GRID1: variants seen among roughly 807,000 people sequenced by gnomAD.
GRID1 encodes glutamate ionotropic receptor delta type subunit 1.
In GRID1, 28 loss-of-function variants were observed where a neutral mutation model predicts 98.0. The ratio of observed to expected loss-of-function variants is 0.29; its 90% CI spans 0.21 to 0.39. The LOEUF (loss-of-function observed/expected upper bound fraction) is 0.39, where lower values mean the gene tolerates loss of function less well. Ranked by LOEUF, GRID1 falls within the 10% of genes least tolerant of loss-of-function variation. The pLI is 1.00. For missense variants in GRID1, 1,111 were observed against 1,340.5 expected (o/e 0.83, Z 2.67); for synonymous variants, 553 against 538.5 (o/e 1.03, Z -0.37).
At chr10:85,996,439 A>G (rs1480524570) in intron 4 of GRID1, among the ~76,000 whole-genome samples, 4 of 152,212 alleles carry the variant, frequency 2.6e-5, no homozygotes, top group Non-Finnish European at 5.9e-5. Context: ...CTAAAATTTA[A>G]CAACAAAAAA....
intron 4 of GRID1, among the ~76,000 whole-genome samples, chr10:86,005,473 T>A (rs1208978906): frequency 1.3e-5 from 2 of 152,060 alleles, no homozygotes; most frequent in African/African-American, 4.8e-5. Context: ...GTAGATTAGG[T>A]AGCAGGGGAA....
intron 3 of GRID1, among the ~76,000 whole-genome samples, chr10:86,156,648 A>G (rs904189456): frequency 6.6e-6 from 1 of 152,242 alleles, no homozygotes; most frequent in African/African-American, 2.4e-5. Context: ...TTGCCAAAAG[A>G]GAACCACAAG....
chr10:85,732,336 T>C (rs1034498262), intron 8 of GRID1, among the ~76,000 whole-genome samples: 3 of 152,162 alleles, frequency 2.0e-5, no homozygotes, highest in Non-Finnish European at 2.9e-5. Context: ...CACTCAATAC[T>C]CTTATCCTGC....
intron 12 of GRID1, among the ~76,000 whole-genome samples, chr10:85,695,204 C>T (rs1314481997): frequency 6.6e-6 from 1 of 152,128 alleles, no homozygotes; most frequent in Non-Finnish European, 1.5e-5. Context: ...ATAGAGTAAG[C>T]CTGTGGAAAT....
At chr10:86,309,796 T>C (rs934435486) in intron 2 of GRID1, among the ~76,000 whole-genome samples, 1 of 152,198 alleles carries the variant, frequency 6.6e-6, no homozygotes, top group Non-Finnish European at 1.5e-5. Flanking sequence ...ATTTGTCCAA[T>C]TAGCACACAA....
chr10:86,166,697 A>G (rs1165004279), intron 3 of GRID1, among the ~76,000 whole-genome samples: 1 of 152,210 alleles, frequency 6.6e-6, no homozygotes, highest in African/African-American at 2.4e-5. Context: ...TTTAGGTGGG[A>G]CCAAATACTC....
At chr10:86,107,197 C>G (rs1344085178) in intron 4 of GRID1, among the ~76,000 whole-genome samples, 1 of 152,250 alleles carries the variant, frequency 6.6e-6, no homozygotes, top group Non-Finnish European at 1.5e-5. Flanking sequence ...CCACGGCACA[C>G]CTGCATCCTA....
chr10:86,165,602 TG>T (rs1412767686), intron 3 of GRID1, among the ~76,000 whole-genome samples: 1 of 151,886 alleles, frequency 6.6e-6, no homozygotes, highest in Admixed American at 6.6e-5. Flanking sequence ...CAATATTGGG[TG>T]GTAAGTCGTT....
At chr10:86,155,869 G>T (rs1458058308) in intron 3 of GRID1, among the ~76,000 whole-genome samples, 3 of 152,182 alleles carry the variant, frequency 2.0e-5, no homozygotes, top group Non-Finnish European at 4.4e-5. Flanking sequence ...CAGGATACAG[G>T]CCTGAGGAGG....
intron 8 of GRID1, among the ~76,000 whole-genome samples, chr10:85,732,780 C>T (rs144344669): frequency 1.9e-3 from 291 of 152,240 alleles, no homozygotes; most frequent in African/African-American, 6.5e-3. Context: ...AGAATAAATC[C>T]TAAGACTTTT....
At chr10:85,855,706 T>A (rs1843102922) in intron 7 of GRID1, among the ~76,000 whole-genome samples, 1 of 152,248 alleles carries the variant, frequency 6.6e-6, no homozygotes, top group Admixed American at 6.5e-5. Context: ...AGTGGTGTTC[T>A]GCATAGAGGG....
Position 85,717,487 on chromosome 10 carries a change from C to T in GRID1, c.1997+5516G>A, listed in dbSNP as rs369499204. Among the ~76,000 whole-genome samples, 6 of 152,180 alleles carry T rather than the reference C, an allele frequency of 3.9e-5. No homozygotes were observed. In the South Asian group the frequency reaches 6.2e-4, roughly 16 times the overall value. ...ACCCATCAGATCTCGTGAGACTATT[C>T]GCTATCACAAGAATAGCATGGGAAA... On this transcript the variant is annotated intron_variant, in intron 12 of 15. Transcript: ENST00000327946.
chr10:86,197,102 G>T (rs1845885219), intron 3 of GRID1, among the ~76,000 whole-genome samples: 1 of 152,072 alleles, frequency 6.6e-6, no homozygotes. Context: ...ATCAAAAGAT[G>T]AGTAAATGGG....
intron 4 of GRID1, among the ~76,000 whole-genome samples, chr10:85,946,532 T>C (rs1842055546): frequency 6.6e-6 from 1 of 152,244 alleles, no homozygotes; most frequent in Non-Finnish European, 1.5e-5. Flanking sequence ...AAATAATTTA[T>C]TCGGGAAAAT....
At chr10:85,657,545 T>A (rs1019497908) in intron 12 of GRID1, among the ~76,000 whole-genome samples, 9 of 152,238 alleles carry the variant, frequency 5.9e-5, no homozygotes, top group Non-Finnish European at 1.3e-4. Flanking sequence ...CTAGATTTGA[T>A]ATTCTGTTGG....
intron 3 of GRID1, among the ~76,000 whole-genome samples, chr10:86,187,139 C>T (rs989968881): frequency 2.0e-5 from 3 of 152,052 alleles, no homozygotes; most frequent in African/African-American, 2.4e-5. Context: ...TCATTGGGGG[C>T]GGGGCGGGGC....
chr10:86,062,031 C>G (rs569350997), intron 4 of GRID1, among the ~76,000 whole-genome samples: 4 of 152,144 alleles, frequency 2.6e-5, no homozygotes, highest in South Asian at 2.1e-4. Flanking sequence ...ACAGGCTGAG[C>G]GACAATCCTG....
At chr10:85,869,849 CA>C (rs1843259486) in intron 5 of GRID1, among the ~76,000 whole-genome samples, 2 of 152,276 alleles carry the variant, frequency 1.3e-5, no homozygotes, top group South Asian at 4.1e-4. Context: ...ATATTGACTA[CA>C]AAAAGCCCTT....
intron 3 of GRID1, among the ~76,000 whole-genome samples, chr10:86,179,894 A>G (rs1392135935): frequency 6.6e-6 from 1 of 152,200 alleles, no homozygotes; most frequent in Non-Finnish European, 1.5e-5. Context: ...GGAGGCCCAC[A>G]TTTATTACAC....
Sources: gnomAD v4.1 joint callset for allele counts (sites outside exome capture counted in the v4.1 genomes callset) on GRCh38, gnomAD v4.1.1 for gene constraint, MANE v1.5 for transcripts, NCBI Gene and HGNC (gene_info 2026-07-23, HGNC 2026-07-21) for gene names.